The following PPP1R15A variants were observed in gnomAD, a reference collection of about 807,000 sequenced individuals.
The protein encoded by PPP1R15A is protein phosphatase 1 regulatory subunit 15A.
A neutral mutation model predicts 48.5 loss-of-function variants in PPP1R15A; 43 were observed. That is an observed-to-expected ratio of 0.89 (90% CI 0.69 to 1.14). PPP1R15A has a LOEUF of 1.14. Ranked by LOEUF, PPP1R15A falls within the 50% of genes most tolerant of loss-of-function variation. PPP1R15A has a pLI of 0.00. For synonymous variants in PPP1R15A, 327 were observed against 327.4 expected (o/e 1.00, Z 0.01); for missense variants, 868 against 847.2 (o/e 1.02, Z -0.30).
rs762837215 is a variant in PPP1R15A at position 48,875,676 on chromosome 19, C to T, written c.1728C>T (p.Ala576=). Reference sequence around the variant, plus strand: ...CTGTCTGGGCAGGGCCGGCCCAGGCCGCCCGCCAGGGCCCCTGGGAGCAGC... The same window carrying T: ...CTGTCTGGGCAGGGCCGGCCCAGGCTGCCCGCCAGGGCCCCTGGGAGCAGC... ...FLAVWAGPAQ[A]ARQGPWEQLA... is the part of the protein sequence containing the mutation. Residue 576 remains alanine (A), a synonymous_variant, in exon 3 of 3, where the codon GCC becomes GCT. Coordinates refer to ENST00000200453, the MANE Select transcript of PPP1R15A (RefSeq NM_014330.5). 49 of 1,610,736 alleles carry T rather than the reference C, an allele frequency of 3.0e-5. No individual in the cohort carries two copies. The East Asian group carries it at 7.6e-4, about 25-fold the overall frequency.
intron 2 of PPP1R15A, 195 bp downstream of exon 2, chr19:48,875,093 A>AT (rs1410597209): frequency 2.9e-5 from 18 of 613,752 alleles, no homozygotes; most frequent in South Asian, 8.1e-5. Flanking sequence ...CACCCAGCTA[A>AT]TTTTTTTTGT....
At position 48,873,955 on chromosome 19, in the gene PPP1R15A, A is replaced by G. The variant is rs114477690; in HGVS notation, c.722A>G (p.Lys241Arg). ...ATEDKRTERSKGARKTSVSPR... is the reference protein window; with the variant it reads ...ATEDKRTERSRGARKTSVSPR... ...GAGGATAAAAGAACAGAAAGAAGTA[A>G]AGGAGCCAGGAAGACCTCCGTGTCC... is the stretch of plus-strand genomic sequence containing the variant. The change falls in exon 2 of 3, where the codon AAA becomes AGA. Residue 241 changes from lysine to arginine, a missense_variant. Physicochemically the swap from Lys to Arg is conservative, Grantham distance 26. Coordinates refer to ENST00000200453, the MANE Select transcript of PPP1R15A (RefSeq NM_014330.5). The G allele has an allele frequency of 8.1e-4, 1,307 of 1,613,924 alleles. 13 individuals carry two copies. In the African/African-American group the frequency reaches 0.015, roughly 18 times the overall value.
At position 48,873,872 on chromosome 19, in the gene PPP1R15A, A is replaced by T. The variant is rs150011740; in HGVS notation, c.639A>T (p.Pro213=). ...AHRTSTSALS[P]GSKPSTWVSC... ...GAACCTCTACTTCTGCCTTGTCTCCAGGATCCAAGCCCAGCACTTGGGTGT... is the reference window on the plus strand; with the variant it reads ...GAACCTCTACTTCTGCCTTGTCTCCTGGATCCAAGCCCAGCACTTGGGTGT... The change falls in exon 2 of 3, where the codon CCA becomes CCT. Residue 213 remains proline (P), a synonymous_variant. Coordinates refer to ENST00000200453, the MANE Select transcript of PPP1R15A (RefSeq NM_014330.5). 3.1e-6 allele frequency: 5 copies of T among 1,614,132 alleles called. No individual in the cohort carries two copies. The African/African-American group carries it at 6.7e-5, about 22-fold the overall frequency.
At position 48,874,065 on chromosome 19, in the gene PPP1R15A, G is replaced by A. The variant is rs1250902239; in HGVS notation, c.832G>A (p.Glu278Lys). 6.2e-7 allele frequency: 1 copy of A among 1,614,216 alleles called. No individual in the cohort carries two copies. Among genetic ancestry groups the A allele is most frequent in the East Asian group, 2.2e-5 (1 of 44,886 alleles). ...GGAGAAGGAGGAAAAGGCACACAAA[G>A]AAACTGGGAAAGGAGAAGCTGCCCC... ...SEEKEEKAHKETGKGEAAPGP... is the reference protein window; with the variant it reads ...SEEKEEKAHKKTGKGEAAPGP... The change falls in exon 2 of 3, where the codon GAA becomes AAA. Residue 278 changes from glutamate (E) to lysine (K), a missense_variant. Transcript: ENST00000200453.
In PPP1R15A at chr19:48,874,565, A is replaced by G. The variant is rs1339219278; in HGVS notation, c.1332A>G (p.Glu444=). 5.6e-6 allele frequency: 9 copies of G among 1,614,012 alleles called. No homozygotes were observed. The highest frequency in any genetic ancestry group is 3.3e-5 in the Admixed American group (2 of 59,988). ...YRPGEDTEEE[E]DEDVDSEDKE... ...CAGGAGAGGACACGGAGGAGGAGGA[A>G]GATGAGGATGTGGATAGTGAGGATA... The change falls in exon 2 of 3, where the codon GAA becomes GAG. Residue 444 remains glutamate (E), a synonymous_variant. Transcript: ENST00000200453.
In PPP1R15A at chr19:48,874,235, A is replaced by C. The variant is rs149431519; in HGVS notation, c.1002A>C (p.Pro334=). 570 of 1,614,080 alleles carry C rather than the reference A, an allele frequency of 3.5e-4. 3 individuals are homozygous for C. The African/African-American group carries it at 6.7e-3, about 19-fold the overall frequency. Residue 334 remains proline (P), a synonymous_variant, in exon 2 of 3, where the codon CCA becomes CCC. Transcript: ENST00000200453. ...CTGAGTGTCCTCCCTGCATCCCCCC[A>C]CCAAGTGCCTTCCTGAAGGCCTGGG... ...GEAECPPCIP[P]PSAFLKAWVY...
At position 48,872,627 on chromosome 19, in the gene PPP1R15A, CGGGG is replaced by C. The variant is rs1378339513; in HGVS notation, c.-33_-30del. ...CAGACCGAACCGGCGCTCCTGCCCCCGGGGTGACGCGCAGCTCCCAGCCGGTGAG... is the reference window on the plus strand; with the variant it reads ...CAGACCGAACCGGCGCTCCTGCCCCCTGACGCGCAGCTCCCAGCCGGTGAG... On this transcript the variant is annotated 5_prime_UTR_variant, in exon 1 of 3. It removes the in-frame stop codon of an upstream open reading frame in the 5' UTR. Coordinates refer to ENST00000200453, the MANE Select transcript of PPP1R15A (RefSeq NM_014330.5). 5 of 379,260 alleles carry C rather than the reference CGGGG, an allele frequency of 1.3e-5. No homozygotes were observed. Among genetic ancestry groups the C allele is most frequent in the Non-Finnish European group, 2.7e-5 (5 of 182,402 alleles). 23.5% of individuals were successfully genotyped at this position (379,260 alleles called of 1,614,324 possible).
chr19:48,874,921 C>CTTT (rs766714677), intron 2 of PPP1R15A, 23 bp downstream of exon 2: 21 of 1,422,120 alleles, frequency 1.5e-5, no homozygotes, highest in Middle Eastern at 2.2e-4. Flanking sequence ...AGCCCAGATT[C>CTTT]TATTTTTTTT....
At chr19:48,875,389 G>A in intron 2 of PPP1R15A, 2 of 618,832 alleles carry the variant, frequency 3.2e-6, no homozygotes, top group South Asian at 2.2e-5. Flanking sequence ...GGGGAGGAGG[G>A]AGCAGCTGTG....
rs750080475 is a variant in PPP1R15A at position 48,874,806 on chromosome 19, C to G, written c.1573C>G (p.Pro525Ala). 2 of 1,613,786 alleles carry G rather than the reference C, an allele frequency of 1.2e-6. No homozygotes were observed. The highest frequency in any genetic ancestry group is 2.2e-5 in the South Asian group (2 of 91,084). Residue 525 changes from proline (P) to alanine (A), a missense_variant, in exon 2 of 3, where the codon CCT (proline) becomes GCT (alanine). By Grantham distance (27) the Pro-to-Ala change is conservative (BLOSUM62 -1). Coordinates refer to ENST00000200453, the MANE Select transcript of PPP1R15A (RefSeq NM_014330.5). Reference protein sequence around the residue: ...GEKPPPPWAPPRLPLRLQRRL... With the variant: ...GEKPPPPWAPARLPLRLQRRL... ...GAAGCCACCGCCTCCCTGGGCTCCT[C>G]CTAGGCTGCCCCTCCGACTGCAAAG...
Position 48,875,914 on chromosome 19 carries a change from C to A in PPP1R15A, c.1966C>A (p.Pro656Thr), listed in dbSNP as rs763051525. The change falls in exon 3 of 3, where the codon CCT becomes ACT. Residue 656 changes from proline to threonine, a missense_variant. By Grantham distance (38) the Pro-to-Thr change is conservative. Transcript: ENST00000200453. ...TTPLSQAVAT[P>T]SRSSAAAAAA... ...GCCCTTGAGCCAAGCTGTGGCCACA[C>A]CTTCCCGCTCGTCTGCTGCTGCAGC... is the stretch of plus-strand genomic sequence containing the variant. The A allele has an allele frequency of 1.9e-6, 3 of 1,613,170 alleles. No homozygotes were observed. Among genetic ancestry groups the A allele is most frequent in the Non-Finnish European group, 2.5e-6 (3 of 1,179,296 alleles).
chr19:48,875,015 C>A, intron 2 of PPP1R15A, 117 bp downstream of exon 2: 1 of 1,252,546 alleles, frequency 8.0e-7, no homozygotes, highest in Non-Finnish European at 1.0e-6. Context: ...CAACCTCTGC[C>A]GCCCAAGTTC....
At chr19:48,872,919 G>A (rs564092336) in intron 1 of PPP1R15A, among the ~76,000 whole-genome samples, 38 of 152,276 alleles carry the variant, frequency 2.5e-4, no homozygotes, top group African/African-American at 9.1e-4. Flanking sequence ...GCCAAGGGAA[G>A]CAAGTAAAGA....
Position 48,874,735 on chromosome 19 carries a change from A to C in PPP1R15A, c.1502A>C (p.Glu501Ala). The C allele has an allele frequency of 1.2e-6, 2 of 1,613,918 alleles. No individual in the cohort carries two copies. The highest frequency in any genetic ancestry group is 1.1e-5 in the South Asian group (1 of 91,074). ...GAGGAAGCTGCTGAGGACTGGGGAG[A>C]AGCTGAGCCCTGCCCCTTCCGAGTG... ...EEEEAAEDWG[E>A]AEPCPFRVAI... The change falls in exon 2 of 3, where the codon GAA (glutamate) becomes GCA (alanine). Residue 501 changes from glutamate to alanine, a missense_variant. Transcript: ENST00000200453.
At position 48,875,888 on chromosome 19, in the gene PPP1R15A, C is replaced by T. The variant is rs202191597; in HGVS notation, c.1940C>T (p.Thr647Met). The change falls in exon 3 of 3, where the codon ACG becomes ATG. Residue 647 changes from threonine (T) to methionine (M), a missense_variant. Physicochemically the swap from Thr to Met is moderately conservative, Grantham distance 81. Transcript: ENST00000200453. ...SSVPSSPVQT[T>M]PLSQAVATPS... ...GTCCCTTCGTCCCCAGTCCAGACCA[C>T]GCCCTTGAGCCAAGCTGTGGCCACA... The T allele has an allele frequency of 2.7e-5, 43 of 1,614,152 alleles. No individual in the cohort carries two copies. In the East Asian group the frequency reaches 5.3e-4, roughly 20 times the overall value.
At position 48,873,656 on chromosome 19, in the gene PPP1R15A, CCT is replaced by C. The variant is rs754628643; in HGVS notation, c.424_425del (p.Leu142ValfsTer13). 1.4e-5 allele frequency: 23 copies of C among 1,614,022 alleles called. No homozygotes were observed. The African/African-American group carries it at 2.1e-4, about 15-fold the overall frequency. On this transcript the variant is annotated frameshift_variant, in exon 2 of 3. Coordinates refer to ENST00000200453, the MANE Select transcript of PPP1R15A (RefSeq NM_014330.5). LOFTEE classifies it high-confidence loss of function. Reference protein sequence around the residue: ...SQFADGQRAPLSPSLLIRTLQ... With the variant: ...SQFADGQRAPXSPSLLIRTLQ... The stretch of plus-strand genomic sequence containing the variant: ...AATTTGCAGATGGCCAGCGTGCTCC[CCT>C]GTCTCCCAGCCTTCTGATAAGGACA...
chr19:48,873,157 C>CAT, intron 1 of PPP1R15A, 68 bp from the exon 2 acceptor site: 1 of 1,419,268 alleles, frequency 7.0e-7, no homozygotes, highest in Non-Finnish European at 9.2e-7. Flanking sequence ...TGCTATGACT[C>CAT]ATAGTCACGC....
In PPP1R15A at chr19:48,874,702, C is replaced by G; in HGVS notation, c.1469C>G (p.Thr490Arg). The part of the protein sequence containing the change: ...RGWGYRPGKE[T>R]EEEEAAEDWG... ...TGGGGATATCGACCTGGAAAAGAGA[C>G]AGAGGAAGAGGAAGCTGCTGAGGAC... Residue 490 changes from threonine to arginine, a missense_variant, in exon 2 of 3, where the codon ACA becomes AGA. By Grantham distance (71) the Thr-to-Arg change is moderately conservative (BLOSUM62 -1). Coordinates refer to ENST00000200453, the MANE Select transcript of PPP1R15A (RefSeq NM_014330.5). 6.2e-7 allele frequency: 1 copy of G among 1,613,964 alleles called. No homozygotes were observed. The highest frequency in any genetic ancestry group is 8.5e-7 in the Non-Finnish European group (1 of 1,179,956).
At position 48,874,356 on chromosome 19, in the gene PPP1R15A, G is replaced by A. The variant is rs772671707; in HGVS notation, c.1123G>A (p.Ala375Thr). Reference protein sequence around the residue: ...GSDEEEGEAEASSSTPATGVF... With the variant: ...GSDEEEGEAETSSSTPATGVF... Reference sequence around the variant, plus strand: ...AGATGAGGAAGAGGGAGAAGCTGAGGCTTCCTCTTCCACTCCTGCTACAGG... The same window carrying A: ...AGATGAGGAAGAGGGAGAAGCTGAGACTTCCTCTTCCACTCCTGCTACAGG... The change falls in exon 2 of 3, where the codon GCT (alanine) becomes ACT (threonine). Residue 375 changes from alanine (A) to threonine (T), a missense_variant. Coordinates refer to ENST00000200453, the MANE Select transcript of PPP1R15A (RefSeq NM_014330.5). The A allele has an allele frequency of 1.9e-6, 3 of 1,613,438 alleles. No individual in the cohort carries two copies. The highest frequency in any genetic ancestry group is 1.3e-5 in the African/African-American group (1 of 74,692).
Sources: gnomAD v4.1 joint callset for allele counts (sites outside exome capture counted in the v4.1 genomes callset) on GRCh38, gnomAD v4.1.1 for gene constraint, MANE v1.5 for transcripts, NCBI Gene and HGNC (gene_info 2026-07-23, HGNC 2026-07-21) for gene names.